The following NT5C2 variants were observed in gnomAD, a reference collection of about 807,000 sequenced individuals.
NT5C2 encodes 5'-nucleotidase, cytosolic II, also known as cytosolic purine 5'-nucleotidase.
Under a neutral mutation model 76.1 loss-of-function variants are expected in NT5C2, and 58 were observed. The ratio of observed to expected loss-of-function variants is 0.76; its 90% CI spans 0.62 to 0.95. The LOEUF (loss-of-function observed/expected upper bound fraction) is 0.95, where lower values mean the gene tolerates loss of function less well. Among genes scored for constraint, NT5C2 ranks in the 40% least tolerant of loss-of-function variants. The pLI is 0.00. For synonymous variants in NT5C2, 229 were observed against 237.4 expected (o/e 0.96, Z 0.32); for missense variants, 478 against 690.3 (o/e 0.69, Z 3.45).
intron 5 of NT5C2, among the ~76,000 whole-genome samples, chr10:103,106,247 C>A (rs889233256): frequency 2.0e-5 from 3 of 152,174 alleles, no homozygotes; most frequent in African/African-American, 7.2e-5. Context: ...AAGCTTCTAT[C>A]ATGTTAAGTG....
chr10:103,146,461 T>A, intron 3 of NT5C2: 1 of 985,056 alleles, frequency 1.0e-6, no homozygotes, highest in Non-Finnish European at 1.2e-6. Context: ...ACATTGAAAA[T>A]TTGCTACAAT....
intron 3 of NT5C2, among the ~76,000 whole-genome samples, chr10:103,161,340 G>C (rs1187222791): frequency 6.6e-6 from 1 of 151,976 alleles, no homozygotes; most frequent in East Asian, 1.9e-4. Context: ...ACCATGCCTG[G>C]CTAATTTATG....
intron 4 of NT5C2, among the ~76,000 whole-genome samples, chr10:103,123,710 A>G (rs1015111690): frequency 6.6e-6 from 1 of 152,232 alleles, no homozygotes; most frequent in Non-Finnish European, 1.5e-5. Flanking sequence ...AACAGAAATA[A>G]GGAGCTTATT....
At chr10:103,171,596 G>A (rs763634728) in intron 3 of NT5C2, among the ~76,000 whole-genome samples, 21 of 151,982 alleles carry the variant, frequency 1.4e-4, no homozygotes, top group Non-Finnish European at 2.8e-4. Context: ...GTTCTAGTAG[G>A]GCCCAGATTT....
chr10:103,094,655 G>A (rs375576087), intron 12 of NT5C2, 200 bp from the exon 13 acceptor site: 59 of 491,308 alleles, frequency 1.2e-4, no homozygotes, highest in Middle Eastern at 1.1e-3. Context: ...AGGCCGAGGC[G>A]GGCAGATCAC....
chr10:103,164,407 G>A (rs1035636536), intron 3 of NT5C2, among the ~76,000 whole-genome samples: 1 of 151,762 alleles, frequency 6.6e-6, no homozygotes, highest in Non-Finnish European at 1.5e-5. Context: ...ACAGGCATGC[G>A]CCACCACGCC....
intron 3 of NT5C2, among the ~76,000 whole-genome samples, chr10:103,168,436 A>T (rs2086945500): frequency 6.6e-6 from 1 of 152,206 alleles, no homozygotes; most frequent in Non-Finnish European, 1.5e-5. Context: ...GAAAAACCTA[A>T]TTGTTCCATT....
intron 4 of NT5C2, among the ~76,000 whole-genome samples, chr10:103,125,750 T>C (rs1418481235): frequency 1.3e-5 from 2 of 152,224 alleles, no homozygotes; most frequent in African/African-American, 4.8e-5. Flanking sequence ...CAGCCTGAAA[T>C]TTACCAATTC....
intron 4 of NT5C2, among the ~76,000 whole-genome samples, chr10:103,123,561 G>A (rs2135765445): frequency 6.6e-6 from 1 of 152,174 alleles, no homozygotes; most frequent in Middle Eastern, 3.4e-3. Context: ...AGCAGGCTGT[G>A]GTAAGGATTA....
At position 103,180,799 on chromosome 10, in the gene NT5C2, C is replaced by T. The variant is rs150328005; in HGVS notation, c.-25+386G>A. On this transcript the variant is annotated intron_variant, in intron 2 of 18. Transcript: ENST00000404739. ...AAACTACAAACAACCCAAATGTTAT[C>T]CACAAGTAAATGGATAAAAAAAATT... Among the ~76,000 whole-genome samples, 736 of 151,996 alleles carry T rather than the reference C, an allele frequency of 4.8e-3. 6 individuals are homozygous for T. Among genetic ancestry groups the T allele is most frequent in the Admixed American group, 7.5e-3 (114 of 15,254 alleles).
rs1361742881 is a variant in NT5C2, at chr10:103,136,575, AAAG to A, written c.175+2828_175+2830del. ...TACGAAGTGGCATTGCAAAAAACAA[AAAG>A]AAGAAATCATAAGGTGCATTAAAGT... is the stretch of plus-strand genomic sequence containing the variant. On this transcript the variant is annotated intron_variant, in intron 4 of 18. Coordinates refer to ENST00000404739, the MANE Select transcript of NT5C2 (RefSeq NM_001351169.2). Among the ~76,000 whole-genome samples, 4 of 152,320 alleles carry A rather than the reference AAAG, an allele frequency of 2.6e-5. No homozygotes were observed. In the East Asian group the frequency reaches 7.7e-4, roughly 29 times the overall value.
intron 1 of NT5C2, among the ~76,000 whole-genome samples, chr10:103,187,636 G>C (rs1285911162): frequency 6.6e-6 from 1 of 150,762 alleles, no homozygotes; most frequent in Non-Finnish European, 1.5e-5. Flanking sequence ...ACTGTTAAAT[G>C]CTTATTAAAA....
chr10:103,186,453 T>C (rs1591911760), intron 1 of NT5C2, among the ~76,000 whole-genome samples: 2 of 152,338 alleles, frequency 1.3e-5, no homozygotes, highest in East Asian at 3.9e-4. Context: ...GCTGTAACAA[T>C]TTCACACATT....
At position 103,122,953 on chromosome 10, in the gene NT5C2, A is replaced by T. The variant is rs537626709; in HGVS notation, c.176-16247T>A. The stretch of plus-strand genomic sequence containing the variant: ...CATTTCTCCAGGTCTTCATTTCCTT[A>T]TGAAGGCTCCTGTGTCCCATAAAAC... On this transcript the variant is annotated intron_variant, in intron 4 of 18. Transcript: ENST00000404739. 2.6e-5 allele frequency among the ~76,000 whole-genome samples: 4 copies of T among 152,268 alleles called. No homozygotes were observed. In the South Asian group the frequency reaches 8.3e-4, roughly 32 times the overall value.
intron 3 of NT5C2, among the ~76,000 whole-genome samples, chr10:103,162,573 G>C (rs2085193376): frequency 6.6e-6 from 1 of 152,140 alleles, no homozygotes; most frequent in Non-Finnish European, 1.5e-5. Context: ...TAATATTAAA[G>C]TGTTGGTGAT....
intron 2 of NT5C2, among the ~76,000 whole-genome samples, chr10:103,177,692 T>C (rs971691830): frequency 1.3e-5 from 2 of 152,182 alleles, no homozygotes; most frequent in African/African-American, 4.8e-5. Flanking sequence ...CAGCTAATTA[T>C]TATTTTTTTT....
chr10:103,102,122 A>G (rs527995453), intron 6 of NT5C2, among the ~76,000 whole-genome samples: 1 of 152,290 alleles, frequency 6.6e-6, no homozygotes, highest in South Asian at 2.1e-4. Context: ...ATGCACTCCA[A>G]CAATGGCCAC....
At chr10:103,129,948 G>A (rs1591241629) in intron 4 of NT5C2, among the ~76,000 whole-genome samples, 4 of 135,130 alleles carry the variant, frequency 3.0e-5, no homozygotes, top group Admixed American at 1.5e-4. Context: ...CAGCCCCCCC[G>A]CCCGGCCAGC....
At position 103,139,493 on chromosome 10, in the gene NT5C2, T is replaced by TA. The variant is rs1479482138; in HGVS notation, c.102-15dup. 1 of 1,475,530 alleles carries TA rather than the reference T, an allele frequency of 6.8e-7. No homozygotes were observed. The highest frequency in any genetic ancestry group is 9.3e-7 in the Non-Finnish European group (1 of 1,080,350). 91.4% of individuals were successfully genotyped at this position (1,475,530 alleles called of 1,614,324 possible). On this transcript the variant is annotated splice_polypyrimidine_tract_variant and intron_variant, in intron 3 of 18. Coordinates refer to ENST00000404739, the MANE Select transcript of NT5C2 (RefSeq NM_001351169.2). ...TTCACAAACACCCTATAGAAAATAA[T>TA]AAAAAATAATATCTCAACACTGGAA... is the stretch of plus-strand genomic sequence containing the variant.
Sources: allele counts gnomAD v4.1 joint callset (sites outside exome capture counted in the v4.1 genomes callset), GRCh38; gene constraint gnomAD v4.1.1; transcripts MANE v1.5; gene names NCBI Gene and HGNC (gene_info 2026-07-23, HGNC 2026-07-21).